Variants in METTL15 observed in about 807,000 individuals in gnomAD.
METTL15 encodes methyltransferase 15, mitochondrial 12S rRNA N4-cytidine.
In METTL15, 34 loss-of-function variants were observed where a neutral mutation model predicts 38.3. That is an observed-to-expected ratio of 0.89 (90% CI 0.68 to 1.18). METTL15 has a LOEUF of 1.18. METTL15 is among the 50% of genes most tolerant of loss of function. The pLI is 0.00. For synonymous variants in METTL15, 162 were observed against 170.9 expected, an observed-to-expected ratio of 0.95 and a Z score of 0.41; for missense variants, 438 against 498.4, an observed-to-expected ratio of 0.88 and a Z score of 1.15.
chr11:28,459,140 G>T (rs1851194541), intron 6 of METTL15, among the ~76,000 whole-genome samples: 1 of 151,986 alleles, frequency 6.6e-6, no homozygotes, highest in Non-Finnish European at 1.5e-5. Flanking sequence ...ATATCTTTTG[G>T]TATTTCCTAT....
chr11:28,453,075 C>T (rs868091960), intron 6 of METTL15, among the ~76,000 whole-genome samples: 22 of 152,230 alleles, frequency 1.4e-4, no homozygotes, highest in South Asian at 2.1e-4. Flanking sequence ...CATCATGCCA[C>T]ACCTCCTCAG....
At chr11:28,365,257 C>A (rs1182487612) in intron 5 of METTL15, among the ~76,000 whole-genome samples, 1 of 152,114 alleles carries the variant, frequency 6.6e-6, no homozygotes, top group African/African-American at 2.4e-5. Context: ...GCATTGGTAT[C>A]AGTTTTTGTA....
At chr11:28,435,685 C>T (rs142933955) in intron 6 of METTL15, among the ~76,000 whole-genome samples, 182 of 152,326 alleles carry the variant, frequency 1.2e-3, no homozygotes, top group African/African-American at 4.3e-3. Flanking sequence ...GCCAATGTAG[C>T]TGAATTAAAA....
intron 6 of METTL15, among the ~76,000 whole-genome samples, chr11:28,430,836 G>C (rs1396505277): frequency 7.4e-4 from 50 of 67,712 alleles, no homozygotes; most frequent in African/African-American, 1.4e-3. Context: ...CCAGCCGCCT[G>C]GTCCGGGAGG....
At chr11:28,142,517 G>T (rs1320325684) in intron 3 of METTL15, among the ~76,000 whole-genome samples, 1 of 152,116 alleles carries the variant, frequency 6.6e-6, no homozygotes, top group Non-Finnish European at 1.5e-5. Context: ...TGGTGATAGG[G>T]AACTTTAATG....
At chr11:28,471,973 A>C (rs1416537000) in intron 6 of METTL15, among the ~76,000 whole-genome samples, 2 of 152,162 alleles carry the variant, frequency 1.3e-5, no homozygotes, top group East Asian at 1.9e-4. Flanking sequence ...CAGGAGAGGC[A>C]GATCAAATCT....
At chr11:28,423,825 A>C (rs1007402015) in intron 5 of METTL15, among the ~76,000 whole-genome samples, 6 of 151,468 alleles carry the variant, frequency 4.0e-5, no homozygotes, top group Admixed American at 3.9e-4. Flanking sequence ...TTAATAATTT[A>C]ACTGTACATT....
chr11:28,518,372 T>G (rs1851736828), intron 6 of METTL15, among the ~76,000 whole-genome samples: 2 of 152,142 alleles, frequency 1.3e-5, no homozygotes, highest in Admixed American at 6.5e-5. Flanking sequence ...CACACAGTCT[T>G]ATTGTTTGGC....
At chr11:28,337,059 T>G (rs1458801425), downstream of METTL15, among the ~76,000 whole-genome samples, 1 of 152,160 alleles carries the variant, frequency 6.6e-6, no homozygotes, top group East Asian at 1.9e-4. Context: ...TGGCTTAGTT[T>G]TTAACTAAAA....
intron 3 of METTL15, among the ~76,000 whole-genome samples, chr11:28,192,559 C>G (rs984397190): frequency 1.3e-5 from 2 of 151,860 alleles, no homozygotes; most frequent in Non-Finnish European, 2.9e-5. Context: ...GAAATATTCA[C>G]TCCTCTACTA....
chr11:28,443,035 A>C (rs1851048130), intron 6 of METTL15, among the ~76,000 whole-genome samples: 1 of 152,202 alleles, frequency 6.6e-6, no homozygotes, highest in African/African-American at 2.4e-5. Context: ...AGTGTTCACA[A>C]CTGTGTTACC....
intron 3 of METTL15, among the ~76,000 whole-genome samples, chr11:28,123,066 A>G (rs1565107345): frequency 6.6e-6 from 1 of 152,170 alleles, no homozygotes; most frequent in Non-Finnish European, 1.5e-5. Context: ...CTTAAGAGCC[A>G]TTCTTCTGGT....
At chr11:28,160,094 G>A (rs1850404229) in intron 3 of METTL15, among the ~76,000 whole-genome samples, 1 of 152,042 alleles carries the variant, frequency 6.6e-6, no homozygotes, top group African/African-American at 2.4e-5. Context: ...AATGTGAAGA[G>A]ACTGGCCTAG....
chr11:28,110,593 C>G (rs1360912307), intron 2 of METTL15, among the ~76,000 whole-genome samples, 192 bp downstream of exon 2: 2 of 152,168 alleles, frequency 1.3e-5, no homozygotes, highest in African/African-American at 4.8e-5. Context: ...GAGCGTAATT[C>G]TTAGGCAAAA....
intron 2 of METTL15, among the ~76,000 whole-genome samples, chr11:28,112,380 C>T (rs1474840826): frequency 2.6e-5 from 4 of 152,268 alleles, no homozygotes; most frequent in Middle Eastern, 3.4e-3. Context: ...TCTTAAATAA[C>T]TAATAACCTG....
At chr11:28,285,768 G>A (rs1013482708) in intron 4 of METTL15, among the ~76,000 whole-genome samples, 12 of 152,196 alleles carry the variant, frequency 7.9e-5, no homozygotes, top group Admixed American at 5.2e-4. Context: ...TCAGAGCTGT[G>A]TGCTGCTTCT....
At chr11:28,243,307 C>A (rs1453860582) in intron 4 of METTL15, among the ~76,000 whole-genome samples, 1 of 152,114 alleles carries the variant, frequency 6.6e-6, no homozygotes, top group African/African-American at 2.4e-5. Context: ...AGTCTTGTGA[C>A]TTCTTTTGGC....
chr11:28,108,583 G>A (rs1258753683), intron 1 of METTL15, 131 bp downstream of exon 1: 1 of 152,326 alleles, frequency 6.6e-6, no homozygotes, highest in Non-Finnish European at 1.5e-5. Context: ...CCTCCAAGAA[G>A]TTGTAGGGAC....
intron 4 of METTL15, among the ~76,000 whole-genome samples, chr11:28,353,805 G>A (rs919314008): frequency 2.0e-5 from 3 of 151,498 alleles, no homozygotes; most frequent in Non-Finnish European, 4.4e-5. Flanking sequence ...GGCGCCTGTA[G>A]TCCCAGCTAC....
Sources: allele counts gnomAD v4.1 joint callset (sites outside exome capture counted in the v4.1 genomes callset), GRCh38; gene constraint gnomAD v4.1.1; transcripts MANE v1.5; gene names NCBI Gene and HGNC (gene_info 2026-07-23, HGNC 2026-07-21).